Variants in PTPRQ observed in about 807,000 individuals in gnomAD.
PTPRQ encodes phosphatidylinositol phosphatase PTPRQ.
PTPRQ carries 199 observed loss-of-function variants against 246.0 expected under a neutral mutation model. That is an observed-to-expected ratio of 0.81 (90% CI 0.72 to 0.91). PTPRQ has a LOEUF of 0.91. Among genes scored for constraint, PTPRQ ranks in the 40% least tolerant of loss-of-function variants. PTPRQ has a pLI of 0.00. For synonymous variants in PTPRQ, 869 were observed against 853.2 expected, an observed-to-expected ratio of 1.02 and a Z score of -0.32; for missense variants, 2,624 against 2,528.4, an observed-to-expected ratio of 1.04 and a Z score of -0.81.
rs371937395 is a variant in PTPRQ at position 80,610,528 on chromosome 12, G to T, written c.4821G>T (p.Arg1607Ser). 3 of 1,535,218 alleles carry T rather than the reference G, an allele frequency of 2.0e-6. No individual in the cohort carries two copies. Among genetic ancestry groups the T allele is most frequent in the South Asian group, 2.5e-5 (2 of 81,616 alleles). Residue 1607 changes from arginine to serine, a missense_variant, in exon 28 of 45, where the codon AGG becomes AGT. Arg to Ser is a moderately radical substitution (Grantham distance 110). Coordinates refer to ENST00000644991, the MANE Select transcript of PTPRQ (RefSeq NM_001145026.2). Reference protein sequence around the residue: ...IEIKDLEIFTRYSVVITAFTG... With the variant: ...IEIKDLEIFTSYSVVITAFTG... The stretch of plus-strand genomic sequence containing the variant: ...TTAAAGATTTAGAAATATTCACAAG[G>T]TATTCTGTAGTGATCACTGCATTTA...
chr12:80,460,302 G>T (rs1248174225), intron 5 of PTPRQ, among the ~76,000 whole-genome samples: 1 of 152,170 alleles, frequency 6.6e-6, no homozygotes, highest in Non-Finnish European at 1.5e-5. Context: ...TAAGAAAGCA[G>T]CATTTGAACA....
chr12:80,657,113 A>G (rs766258857), intron 38 of PTPRQ, among the ~76,000 whole-genome samples: 1 of 151,892 alleles, frequency 6.6e-6, no homozygotes, highest in Non-Finnish European at 1.5e-5. Flanking sequence ...AACTAAGAAG[A>G]AAATTTTAAT....
At chr12:80,618,889 T>C (rs936535124) in intron 30 of PTPRQ, among the ~76,000 whole-genome samples, 1 of 151,486 alleles carries the variant, frequency 6.6e-6, no homozygotes, top group Non-Finnish European at 1.5e-5. Context: ...GTGTTGTGCA[T>C]GACTATTTAT....
intron 35 of PTPRQ, 112 bp downstream of exon 35, chr12:80,635,185 G>C: frequency 7.0e-7 from 1 of 1,424,716 alleles, no homozygotes; most frequent in Non-Finnish European, 9.2e-7. Flanking sequence ...ACAGGTCACA[G>C]AGATCTTCTT....
In PTPRQ at chr12:80,586,938, ATAC is replaced by A. The variant is rs1340275833; in HGVS notation, c.4286-1187_4286-1185del. Among the ~76,000 whole-genome samples the A allele has an allele frequency of 3.3e-5, 5 of 152,178 alleles. No homozygotes were observed. In the East Asian group the frequency reaches 9.6e-4, roughly 29 times the overall value. ...GAAGATGTGTGTAGTTTATATGCAGATACTACACCATTTTATATAAGGAATTTG... is the reference window on the plus strand; with the variant it reads ...GAAGATGTGTGTAGTTTATATGCAGATACACCATTTTATATAAGGAATTTG... On this transcript the variant is annotated intron_variant, in intron 25 of 44. Coordinates refer to ENST00000644991, the MANE Select transcript of PTPRQ (RefSeq NM_001145026.2).
intron 39 of PTPRQ, among the ~76,000 whole-genome samples, chr12:80,663,415 G>A (rs1045943381): frequency 1.3e-4 from 20 of 151,744 alleles, no homozygotes; most frequent in Admixed American, 6.6e-5. Flanking sequence ...CCTCCCGTAC[G>A]TACTCAGCAT....
chr12:80,453,312 T>C (rs1892841968), intron 3 of PTPRQ, among the ~76,000 whole-genome samples: 1 of 152,220 alleles, frequency 6.6e-6, no homozygotes, highest in Admixed American at 6.5e-5. Flanking sequence ...TTGGTTTGAA[T>C]TTCCTCCTGT....
chr12:80,571,159 A>G (rs988169086), intron 25 of PTPRQ, among the ~76,000 whole-genome samples: 3 of 152,122 alleles, frequency 2.0e-5, no homozygotes, highest in African/African-American at 7.2e-5. Context: ...CACTGAATCT[A>G]TAAATTATGG....
chr12:80,608,504 A>G (rs1431539944), intron 27 of PTPRQ, among the ~76,000 whole-genome samples: 3 of 144,002 alleles, frequency 2.1e-5, no homozygotes, highest in African/African-American at 5.2e-5. Flanking sequence ...TTGCGACTTG[A>G]TATTTGTTAT....
chr12:80,469,557 C>A (rs1469702445), intron 7 of PTPRQ, among the ~76,000 whole-genome samples: 1 of 151,860 alleles, frequency 6.6e-6, no homozygotes, highest in Non-Finnish European at 1.5e-5. Context: ...AATAATAAAG[C>A]CACATATTAT....
intron 16 of PTPRQ, among the ~76,000 whole-genome samples, chr12:80,508,679 A>G (rs1040994333): frequency 1.3e-5 from 2 of 152,148 alleles, no homozygotes; most frequent in African/African-American, 4.8e-5. Flanking sequence ...ATTTTAGAAT[A>G]CATGTGCCAA....
At chr12:80,657,803 A>T (rs1025577810) in intron 38 of PTPRQ, among the ~76,000 whole-genome samples, 182 bp from the exon 39 acceptor site, 1 of 151,912 alleles carries the variant, frequency 6.6e-6, no homozygotes, top group Non-Finnish European at 1.5e-5. Flanking sequence ...ATACAAGGAC[A>T]TATTAATAGT....
At chr12:80,606,642 A>G (rs1046052079) in intron 27 of PTPRQ, among the ~76,000 whole-genome samples, 1 of 150,980 alleles carries the variant, frequency 6.6e-6, no homozygotes, top group African/African-American at 2.4e-5. Flanking sequence ...CTCTTGACCA[A>G]CTTTATAATT....
chr12:80,542,671 G>A, intron 22 of PTPRQ, 59 bp from the exon 23 acceptor site: 14 of 1,494,152 alleles, frequency 9.4e-6, no homozygotes, highest in South Asian at 1.4e-5. Flanking sequence ...GTAAGTCACG[G>A]TGCTATTTTT....
intron 18 of PTPRQ, 62 bp downstream of exon 18, chr12:80,534,237 C>A: frequency 7.3e-7 from 1 of 1,366,994 alleles, no homozygotes; most frequent in Non-Finnish European, 9.6e-7. Context: ...AAAATCCTGC[C>A]CAGAAAAATA....
intron 25 of PTPRQ, among the ~76,000 whole-genome samples, chr12:80,571,805 A>G (rs1897153775): frequency 6.6e-6 from 1 of 152,050 alleles, no homozygotes; most frequent in Non-Finnish European, 1.5e-5. Context: ...GTCATAATAA[A>G]TTGATATAGG....
chr12:80,502,898 A>G, intron 14 of PTPRQ, among the ~76,000 whole-genome samples: 1 of 151,842 alleles, frequency 6.6e-6, no homozygotes, highest in Non-Finnish European at 1.5e-5. Context: ...AGGGAACTGG[A>G]TAGATCATTT....
At chr12:80,511,678 C>T (rs1414640418) in intron 17 of PTPRQ, among the ~76,000 whole-genome samples, 1 of 152,156 alleles carries the variant, frequency 6.6e-6, no homozygotes, top group African/African-American at 2.4e-5. Flanking sequence ...CAAGAAAGAG[C>T]TTCTTGCCAT....
At chr12:80,544,889 GT>G (rs976353345) in intron 23 of PTPRQ, among the ~76,000 whole-genome samples, 2 of 152,082 alleles carry the variant, frequency 1.3e-5, no homozygotes, top group African/African-American at 4.8e-5. Context: ...TCAATCCACT[GT>G]GGTCCACAGA....
Sources: gnomAD v4.1 joint callset for allele counts (sites outside exome capture counted in the v4.1 genomes callset) on GRCh38, gnomAD v4.1.1 for gene constraint, MANE v1.5 for transcripts, NCBI Gene and HGNC (gene_info 2026-07-23, HGNC 2026-07-21) for gene names.